The following TMEFF2 variants were observed in gnomAD, a reference collection of about 807,000 sequenced individuals.
The protein encoded by TMEFF2 is tomoregulin-2.
TMEFF2 carries 28 observed loss-of-function variants against 53.8 expected under a neutral mutation model. That is an observed-to-expected ratio of 0.52 (90% CI 0.39 to 0.71). TMEFF2 has a LOEUF of 0.71. Among genes scored for constraint, TMEFF2 ranks in the 30% least tolerant of loss-of-function variants. The probability of loss-of-function intolerance (pLI) is 0.00; values close to 1 mark genes in which losing one functional copy is unlikely to be tolerated. For missense variants in TMEFF2, 353 were observed against 455.2 expected (o/e 0.78, Z 2.04); for synonymous variants, 162 against 166.3 (o/e 0.97, Z 0.20).
At chr2:192,100,376 C>T (rs1689006643) in intron 4 of TMEFF2, among the ~76,000 whole-genome samples, 1 of 152,142 alleles carries the variant, frequency 6.6e-6, no homozygotes, top group Non-Finnish European at 1.5e-5. Flanking sequence ...AATCCTCTGT[C>T]ATGTCACTGT....
chr2:192,000,001 A>T (rs1180689483), intron 5 of TMEFF2, among the ~76,000 whole-genome samples: 3 of 152,070 alleles, frequency 2.0e-5, no homozygotes, highest in Non-Finnish European at 4.4e-5. Context: ...CTATAATCTA[A>T]ATAAAAATTC....
At position 192,015,612 on chromosome 2, in the gene TMEFF2, G is replaced by A. The variant is rs561516380; in HGVS notation, c.537-16404C>T. Among the ~76,000 whole-genome samples the A allele has an allele frequency of 5.9e-5, 9 of 152,034 alleles. No homozygotes were observed. In the East Asian group the frequency reaches 1.7e-3, roughly 29 times the overall value. On this transcript the variant is annotated intron_variant, in intron 5 of 9. Coordinates refer to ENST00000272771, the MANE Select transcript of TMEFF2 (RefSeq NM_016192.4). ...TTTAAGCAGTCCACACTAAATAAAA[G>A]GGCAACTATATTTTTAAAAGATAAT...
chr2:191,998,233 C>T, intron 7 of TMEFF2, 29 bp downstream of exon 7: 3 of 1,542,348 alleles, frequency 1.9e-6, no homozygotes, highest in Non-Finnish European at 2.6e-6. Context: ...TAGAAGAGCT[C>T]ACATTTTGTA....
At chr2:191,972,824 C>G (rs951016139) in intron 7 of TMEFF2, among the ~76,000 whole-genome samples, 1 of 152,070 alleles carries the variant, frequency 6.6e-6, no homozygotes, top group Non-Finnish European at 1.5e-5. Flanking sequence ...ATAAACATGA[C>G]AGATATCCCT....
At chr2:192,050,236 T>G (rs1183021835) in intron 5 of TMEFF2, among the ~76,000 whole-genome samples, 1 of 152,200 alleles carries the variant, frequency 6.6e-6, no homozygotes, top group Non-Finnish European at 1.5e-5. Context: ...CCCATATTTC[T>G]TGGTATTCTA....
At chr2:192,132,110 C>G (rs1689849914) in intron 4 of TMEFF2, among the ~76,000 whole-genome samples, 1 of 152,116 alleles carries the variant, frequency 6.6e-6, no homozygotes, top group Admixed American at 6.6e-5. Context: ...CCCCTCCTCG[C>G]CAGGCCAAGC....
chr2:192,062,173 G>C (rs1688061055), intron 4 of TMEFF2, among the ~76,000 whole-genome samples: 1 of 152,002 alleles, frequency 6.6e-6, no homozygotes, highest in East Asian at 1.9e-4. Context: ...CCACTACCCT[G>C]TCTATATATG....
intron 7 of TMEFF2, among the ~76,000 whole-genome samples, chr2:191,958,163 A>C (rs1443259179): frequency 1.3e-5 from 2 of 152,170 alleles, no homozygotes. Context: ...TAGCGATCAA[A>C]CCATGCACCT....
At chr2:192,182,466 T>C (rs564124721) in intron 3 of TMEFF2, among the ~76,000 whole-genome samples, 7 of 152,022 alleles carry the variant, frequency 4.6e-5, no homozygotes, top group South Asian at 4.1e-4. Flanking sequence ...GAGCTAAAGA[T>C]GGATTACTCG....
chr2:192,169,010 C>T (rs915219455), intron 4 of TMEFF2, among the ~76,000 whole-genome samples: 11 of 152,036 alleles, frequency 7.2e-5, no homozygotes, highest in African/African-American at 2.4e-4. Context: ...CATGCCATCA[C>T]ACCTGAATTA....
At position 192,130,806 on chromosome 2, in the gene TMEFF2, G is replaced by A. The variant is rs189034077; in HGVS notation, c.439+48862C>T. Reference sequence around the variant, plus strand: ...AGTCTGTTTGGTGGTCTCTTCACACGGACACGCATGAAATTTGGTGCTGAA... The same window carrying A: ...AGTCTGTTTGGTGGTCTCTTCACACAGACACGCATGAAATTTGGTGCTGAA... On this transcript the variant is annotated intron_variant, in intron 4 of 9. Coordinates refer to ENST00000272771, the MANE Select transcript of TMEFF2 (RefSeq NM_016192.4). Among the ~76,000 whole-genome samples the A allele has an allele frequency of 1.3e-3, 197 of 151,966 alleles. 1 individual carries two copies. Among genetic ancestry groups the A allele is most frequent in the African/African-American group, 4.3e-3 (179 of 41,506 alleles).
rs533098859 is a variant in TMEFF2, at chr2:192,146,183, A to T, written c.439+33485T>A. On this transcript the variant is annotated intron_variant, in intron 4 of 9. Transcript: ENST00000272771. ...TCCATCTCTATGACAACTGCAAAAA[A>T]TTTTTTAAAAGTCTTTCTAGTTAGG... Among the ~76,000 whole-genome samples, 11 of 152,132 alleles carry T rather than the reference A, an allele frequency of 7.2e-5. No homozygotes were observed. The South Asian group carries it at 1.9e-3, about 26-fold the overall frequency.
intron 7 of TMEFF2, among the ~76,000 whole-genome samples, chr2:191,957,524 GA>G (rs1010735374): frequency 6.6e-6 from 1 of 152,026 alleles, no homozygotes; most frequent in African/African-American, 2.4e-5. Flanking sequence ...TTCATTGGAA[GA>G]AAAAAACATG....
At chr2:192,130,104 G>A (rs1354163132) in intron 4 of TMEFF2, among the ~76,000 whole-genome samples, 1 of 152,038 alleles carries the variant, frequency 6.6e-6, no homozygotes, top group Non-Finnish European at 1.5e-5. Context: ...TGTTCTGTGA[G>A]CGTACGTATT....
chr2:192,057,717 C>T lies in TMEFF2; in HGVS notation c.498G>A (p.Gln166=), dbSNP rs1687945496. The change falls in exon 5 of 10, where the codon CAG becomes CAA. Residue 166 remains glutamine, a synonymous_variant. Coordinates refer to ENST00000272771, the MANE Select transcript of TMEFF2 (RefSeq NM_016192.4). ...CATCTTCGTCACATTCTGCACCAAACTGGCAAATATCACAGGTGGATGTCT... is the reference window on the plus strand; with the variant it reads ...CATCTTCGTCACATTCTGCACCAAATTGGCAAATATCACAGGTGGATGTCT... The part of the protein sequence containing the change: ...QKETSTCDIC[Q]FGAECDEDAE... The T allele has an allele frequency of 1.2e-6, 2 of 1,614,092 alleles. No individual in the cohort carries two copies. Among genetic ancestry groups the T allele is most frequent in the Non-Finnish European group, 1.7e-6 (2 of 1,179,946 alleles).
intron 4 of TMEFF2, among the ~76,000 whole-genome samples, chr2:192,134,552 C>G (rs1442663447): frequency 6.6e-6 from 1 of 152,064 alleles, no homozygotes; most frequent in African/African-American, 2.4e-5. Flanking sequence ...ATCTGCTATT[C>G]TATCTGCTAT....
rs545051081 is a variant in TMEFF2 at position 192,162,734 on chromosome 2, C to T, written c.439+16934G>A. On this transcript the variant is annotated intron_variant, in intron 4 of 9. Coordinates refer to ENST00000272771, the MANE Select transcript of TMEFF2 (RefSeq NM_016192.4). ...TAAAGAAGAGGAAAAGCTAAATGAG[C>T]TTTTAAAAACCAAACAATAATCCAA... 2.0e-5 allele frequency among the ~76,000 whole-genome samples: 3 copies of T among 152,240 alleles called. No individual in the cohort carries two copies. In the East Asian group the frequency reaches 5.8e-4, roughly 29 times the overall value.
intron 4 of TMEFF2, among the ~76,000 whole-genome samples, chr2:192,171,966 C>T (rs1231437206): frequency 7.7e-6 from 1 of 130,390 alleles, no homozygotes; most frequent in South Asian, 2.6e-4. Context: ...GCAATGTCCA[C>T]CTTCTTCCCT....
rs986645988 is a variant in TMEFF2, at chr2:191,949,210, C to A, written c.*1101G>T. 12 of 985,262 alleles carry A rather than the reference C, an allele frequency of 1.2e-5. No individual in the cohort carries two copies. The highest frequency in any genetic ancestry group is 1.0e-3 in the Middle Eastern group (2 of 1,936). The allele number at this position is 985,262 out of a possible 1,614,324, so 61.0% of individuals were successfully genotyped here. On this transcript the variant is annotated 3_prime_UTR_variant, in exon 10 of 10. Coordinates refer to ENST00000272771, the MANE Select transcript of TMEFF2 (RefSeq NM_016192.4). ...GTGATACCTATTTGTATGCACAAAT[C>A]AAACAAAAATCCATACCAACTTCCC...
Sources: gnomAD v4.1 joint callset for allele counts (sites outside exome capture counted in the v4.1 genomes callset) on GRCh38, gnomAD v4.1.1 for gene constraint, MANE v1.5 for transcripts, NCBI Gene and HGNC (gene_info 2026-07-23, HGNC 2026-07-21) for gene names.